The following DMD variants were observed in gnomAD, a reference collection of about 807,000 sequenced individuals.
DMD encodes mutant dystrophin.
DMD carries 63 observed loss-of-function variants against 330.1 expected under a neutral mutation model. The ratio of observed to expected loss-of-function variants is 0.19; its 90% CI spans 0.16 to 0.24. The LOEUF (loss-of-function observed/expected upper bound fraction) is 0.24, where lower values mean the gene tolerates loss of function less well. DMD is among the 10% of genes least tolerant of loss of function. DMD has a pLI of 1.00. For synonymous variants in DMD, 1,223 were observed against 959.8 expected (o/e 1.27, Z -5.07); for missense variants, 3,344 against 2,684.1 (o/e 1.25, Z -5.43).
intron 33 of DMD, among the ~76,000 whole-genome samples, chrX:32,380,927 T>C (rs1174391744): frequency 9.0e-6 from 1 of 110,631 alleles, no homozygotes; most frequent in Non-Finnish European, 1.9e-5. Flanking sequence ...AAGAAACCTA[T>C]ACGAATTTTT....
intron 1 of DMD, among the ~76,000 whole-genome samples, chrX:33,325,785 G>A (rs113012840): frequency 2.9e-4 from 33 of 111,976 alleles, no homozygotes; most frequent in African/African-American, 9.7e-4. Flanking sequence ...TATTAGTGAT[G>A]AAACAAGACA....
chrX:32,896,293 C>T (rs184557165), intron 2 of DMD, among the ~76,000 whole-genome samples: 3 of 111,753 alleles, frequency 2.7e-5, no homozygotes, highest in South Asian at 3.8e-4. Context: ...TTTACTTTAA[C>T]GCCTTTCATC....
chrX:32,732,859 G>A lies in DMD; in HGVS notation c.650-33566C>T, dbSNP rs868624219. On this transcript the variant is annotated intron_variant, in intron 7 of 78. Transcript: ENST00000357033. ...CTAGGAAGAAACTGCATCAACTAAC[G>A]AGCAAAATCACCAGCTAACATCATA... Among the ~76,000 whole-genome samples, 27 of 110,059 alleles carry A rather than the reference G, an allele frequency of 2.5e-4. 1 individual carries two copies. The highest frequency in any genetic ancestry group is 8.3e-4 in the African/African-American group (25 of 30,057).
At chrX:33,085,485 A>C (rs1603256113) in intron 1 of DMD, among the ~76,000 whole-genome samples, 1 of 112,081 alleles carries the variant, frequency 8.9e-6, no homozygotes, top group South Asian at 3.7e-4. Flanking sequence ...GGGAACAAGA[A>C]TATTTTACAA....
At chrX:32,487,618 T>C (rs371160050) in intron 20 of DMD, among the ~76,000 whole-genome samples, 49 of 111,483 alleles carry the variant, frequency 4.4e-4, no homozygotes, top group East Asian at 2.5e-3. Flanking sequence ...ATAAATTCTG[T>C]CATGGTTGCA....
At chrX:33,108,000 T>C (rs1240229504) in intron 1 of DMD, among the ~76,000 whole-genome samples, 2 of 111,403 alleles carry the variant, frequency 1.8e-5, no homozygotes, top group African/African-American at 6.5e-5. Flanking sequence ...GACAAGCTGA[T>C]TGATTCATTA....
intron 50 of DMD, among the ~76,000 whole-genome samples, chrX:31,790,362 A>G (rs1035680385): frequency 8.1e-5 from 9 of 111,744 alleles, no homozygotes; most frequent in Admixed American, 3.8e-4. Context: ...TACCAAAATT[A>G]GGTGACTTGA....
At chrX:32,233,597 TCTTTTATTTA>T (rs2097176320) in intron 43 of DMD, among the ~76,000 whole-genome samples, 1 of 97,752 alleles carries the variant, frequency 1.0e-5, no homozygotes, top group Non-Finnish European at 2.0e-5. Flanking sequence ...AATTTCTTTT[TCTTTTATTTA>T]TTTATTTATT....
At chrX:32,641,063 A>T (rs1175159136) in intron 11 of DMD, among the ~76,000 whole-genome samples, 3 of 111,222 alleles carry the variant, frequency 2.7e-5, no homozygotes, top group Non-Finnish European at 3.8e-5. Flanking sequence ...TCCGTGAACC[A>T]CACTTCCTTG....
At chrX:31,544,787 A>G (rs1342789936) in intron 55 of DMD, among the ~76,000 whole-genome samples, 3 of 111,252 alleles carry the variant, frequency 2.7e-5, no homozygotes, top group African/African-American at 9.8e-5. Context: ...GCGATGGGTG[A>G]GAAAAGAGAT....
At chrX:32,360,856 GC>G (rs1261299420) in intron 37 of DMD, among the ~76,000 whole-genome samples, 3 of 108,084 alleles carry the variant, frequency 2.8e-5, no homozygotes, top group Non-Finnish European at 5.7e-5. Context: ...AATTTCTTAT[GC>G]CTTATGTTTC....
chrX:32,443,976 A>G (rs746566122), intron 27 of DMD, among the ~76,000 whole-genome samples: 9 of 111,360 alleles, frequency 8.1e-5, no homozygotes, highest in African/African-American at 2.9e-4. Context: ...AAACATGTAT[A>G]TAGAACCTCA....
At chrX:31,765,495 A>G (rs2089934670) in intron 51 of DMD, among the ~76,000 whole-genome samples, 1 of 111,856 alleles carries the variant, frequency 8.9e-6, no homozygotes, top group African/African-American at 3.2e-5. Context: ...GTATTGTATC[A>G]AAAGCTCTTA....
intron 44 of DMD, among the ~76,000 whole-genome samples, chrX:32,060,661 C>T (rs1052688225): frequency 8.1e-5 from 9 of 111,733 alleles, no homozygotes; most frequent in African/African-American, 2.3e-4. Flanking sequence ...ACAATTCCAC[C>T]TTAGCAATTC....
intron 47 of DMD, among the ~76,000 whole-genome samples, chrX:31,929,015 A>C (rs886925066): frequency 7.1e-5 from 8 of 112,034 alleles, no homozygotes; most frequent in Non-Finnish European, 1.3e-4. Flanking sequence ...GTTGCTTTTT[A>C]CTATAAATTC....
At chrX:31,807,755 A>G in intron 50 of DMD, among the ~76,000 whole-genome samples, 1 of 111,645 alleles carries the variant, frequency 9.0e-6, no homozygotes, top group Non-Finnish European at 1.9e-5. Flanking sequence ...TCATTTGGAA[A>G]ATATGTACAA....
chrX:31,573,119 T>G lies in DMD; in HGVS notation c.8217+54554A>C, dbSNP rs192068632. Among the ~76,000 whole-genome samples, 12 of 111,622 alleles carry G rather than the reference T, an allele frequency of 1.1e-4. No homozygotes were observed. In the Admixed American group the frequency reaches 1.1e-3, roughly 11 times the overall value. On this transcript the variant is annotated intron_variant, in intron 55 of 78. Transcript: ENST00000357033. Reference sequence around the variant, plus strand: ...AAGGAGAGGATGAAATTTGTGATAATTTAAATTTAGCTAGTGGGAGGTTGC... The same window carrying G: ...AAGGAGAGGATGAAATTTGTGATAAGTTAAATTTAGCTAGTGGGAGGTTGC...
chrX:31,711,804 T>C (rs1320084619), intron 52 of DMD, among the ~76,000 whole-genome samples: 4 of 111,233 alleles, frequency 3.6e-5, no homozygotes, highest in African/African-American at 1.3e-4. Context: ...AAGAATGCAA[T>C]TTTGGAATAG....
chrX:33,042,716 A>G (rs1019103851), intron 1 of DMD, among the ~76,000 whole-genome samples: 11 of 112,074 alleles, frequency 9.8e-5, no homozygotes, highest in Non-Finnish European at 7.5e-5. Flanking sequence ...TGCTCTAATT[A>G]TTTGAGGTTT....
Sources: gnomAD v4.1 joint callset for allele counts (sites outside exome capture counted in the v4.1 genomes callset) on GRCh38, gnomAD v4.1.1 for gene constraint, MANE v1.5 for transcripts, NCBI Gene and HGNC (gene_info 2026-07-23, HGNC 2026-07-21) for gene names.